VAV3: variants seen among roughly 807,000 people sequenced by gnomAD.
VAV3 encodes the protein vav guanine nucleotide exchange factor 3, also known as guanine nucleotide exchange factor VAV3.
VAV3 carries 94 observed loss-of-function variants against 131.2 expected under a neutral mutation model. That is an observed-to-expected ratio of 0.72 (90% confidence interval 0.61 to 0.85). VAV3 has a LOEUF of 0.85. VAV3 is among the 40% of genes least tolerant of loss of function. The probability of loss-of-function intolerance (pLI) is 0.00; values close to 1 mark genes in which losing one functional copy is unlikely to be tolerated. For synonymous variants in VAV3, 349 were observed against 342.0 expected (o/e 1.02, Z -0.22); for missense variants, 939 against 1,002.7 (o/e 0.94, Z 0.86).
intron 2 of VAV3, among the ~76,000 whole-genome samples, chr1:107,843,169 G>A (rs11185183): frequency 0.32 from 47,976 of 151,498 alleles, 7,823 homozygotes; most frequent in African/African-American, 0.37. Flanking sequence ...CTCCTGGGTG[G>A]GCATTATAAC....
chr1:107,830,944 C>T (rs1328600756), intron 2 of VAV3, among the ~76,000 whole-genome samples: 1 of 152,210 alleles, frequency 6.6e-6, no homozygotes, highest in Non-Finnish European at 1.5e-5. Flanking sequence ...TATTCCAAAA[C>T]TTGTGATAGT....
intron 2 of VAV3, among the ~76,000 whole-genome samples, chr1:107,848,254 A>C (rs1669060005): frequency 1.3e-5 from 2 of 150,388 alleles, no homozygotes; most frequent in South Asian, 4.2e-4. Context: ...CGGAGCTTGC[A>C]GTGAGCCAAG....
intron 1 of VAV3, among the ~76,000 whole-genome samples, chr1:107,911,889 C>A (rs1672387349): frequency 6.6e-6 from 1 of 152,050 alleles, no homozygotes; most frequent in African/African-American, 2.4e-5. Context: ...TATCTAGAGG[C>A]AAACACAATA....
intron 2 of VAV3, among the ~76,000 whole-genome samples, chr1:107,805,339 G>T (rs1419259221): frequency 3.3e-5 from 5 of 152,004 alleles, no homozygotes; most frequent in African/African-American, 1.2e-4. Context: ...TACGTGACCT[G>T]TCATTCCTTT....
chr1:107,727,121 C>T (rs764090431), intron 15 of VAV3, among the ~76,000 whole-genome samples: 1 of 152,206 alleles, frequency 6.6e-6, no homozygotes, highest in Non-Finnish European at 1.5e-5. Context: ...CTTCTTTTGC[C>T]ATGCAAAACA....
At chr1:107,705,113 C>T (rs372087945) in intron 15 of VAV3, 52 bp from the exon 16 acceptor site, 6 of 1,390,640 alleles carry the variant, frequency 4.3e-6, no homozygotes, top group Non-Finnish European at 6.0e-6. Flanking sequence ...AACAAAGCTG[C>T]AATTTAGTCA....
chr1:107,931,027 G>A (rs1334855632), intron 1 of VAV3, among the ~76,000 whole-genome samples: 21 of 152,112 alleles, frequency 1.4e-4, no homozygotes, highest in Admixed American at 1.3e-3. Context: ...TCCTGATCTC[G>A]TTACTACCTA....
At chr1:107,837,153 T>C (rs927276017) in intron 2 of VAV3, among the ~76,000 whole-genome samples, 1 of 151,792 alleles carries the variant, frequency 6.6e-6, no homozygotes, top group Non-Finnish European at 1.5e-5. Context: ...CTGATGAATA[T>C]AGATGCAGAA....
chr1:107,589,002 C>CT (rs554418371), intron 25 of VAV3, among the ~76,000 whole-genome samples: 23 of 151,402 alleles, frequency 1.5e-4, no homozygotes, highest in African/African-American at 3.4e-4. Context: ...ATTGAAAACA[C>CT]TTTTTTTTTG....
chr1:107,757,183 G>T lies in VAV3; in HGVS notation c.1086+78C>A, dbSNP rs554067274. 1.0e-5 allele frequency: 9 copies of T among 876,360 alleles called. No homozygotes were observed. In the South Asian group the frequency reaches 1.2e-4, roughly 12 times the overall value. The allele number at this position is 876,360 out of a possible 1,614,324, so 54.3% of individuals were successfully genotyped here. On this transcript the variant is annotated intron_variant, in intron 11 of 26. Transcript: ENST00000370056. ...TGTGTGTGTGTGTGTGTGTGTGTGT[G>T]TGTGTATGCAATTTGAATTCCATTG...
chr1:107,657,035 C>T lies in VAV3; in HGVS notation c.1778-14280G>A, dbSNP rs185616257. Among the ~76,000 whole-genome samples, 194 of 146,942 alleles carry T rather than the reference C, an allele frequency of 1.3e-3. No homozygotes were observed. The East Asian group carries it at 0.034, about 26-fold the overall frequency. ...GTGGCACAATCTCAGCTCACTGCAG[C>T]CTCTGTCTCCCGGGTTCAAAGCAAT... On this transcript the variant is annotated intron_variant, in intron 19 of 26. Transcript: ENST00000370056.
At chr1:107,908,508 A>T (rs559269165) in intron 1 of VAV3, among the ~76,000 whole-genome samples, 1 of 152,190 alleles carries the variant, frequency 6.6e-6, no homozygotes, top group African/African-American at 2.4e-5. Flanking sequence ...ATGTGAGATG[A>T]TAAGTGACCT....
At chr1:107,935,795 T>C (rs1408508748) in intron 1 of VAV3, among the ~76,000 whole-genome samples, 1 of 151,934 alleles carries the variant, frequency 6.6e-6, no homozygotes, top group Non-Finnish European at 1.5e-5. Flanking sequence ...TGCAGAGAAA[T>C]AGGAGTTAAC....
At chr1:107,718,696 G>A (rs1489321531) in intron 15 of VAV3, among the ~76,000 whole-genome samples, 1 of 151,930 alleles carries the variant, frequency 6.6e-6, no homozygotes. Context: ...TCACAGAATT[G>A]GAAAATCTAC....
intron 19 of VAV3, among the ~76,000 whole-genome samples, chr1:107,666,271 G>C (rs144152562): frequency 3.1e-4 from 47 of 152,230 alleles, no homozygotes; most frequent in African/African-American, 1.0e-3. Flanking sequence ...ACTGGCTACT[G>C]GCACTCATGA....
intron 2 of VAV3, among the ~76,000 whole-genome samples, chr1:107,854,742 C>T (rs938455304): frequency 2.0e-5 from 3 of 152,066 alleles, no homozygotes; most frequent in African/African-American, 7.2e-5. Flanking sequence ...TAGTGAATCA[C>T]GAATATGATG....
intron 20 of VAV3, among the ~76,000 whole-genome samples, chr1:107,636,436 G>T (rs1257809149): frequency 2.6e-5 from 4 of 152,140 alleles, no homozygotes; most frequent in Non-Finnish European, 4.4e-5. Context: ...TTATAATGGG[G>T]TTATGCCCTG....
intron 1 of VAV3, among the ~76,000 whole-genome samples, chr1:107,944,486 C>G (rs1674153293): frequency 1.3e-5 from 2 of 152,308 alleles, no homozygotes; most frequent in South Asian, 4.1e-4. Flanking sequence ...CTCTTATAAC[C>G]TGAATTCTTT....
intron 1 of VAV3, among the ~76,000 whole-genome samples, chr1:107,922,951 CAA>C (rs1320244225): frequency 4.0e-5 from 3 of 75,406 alleles, no homozygotes. Flanking sequence ...GACTCCGTCT[CAA>C]AAAAAAAAAA....
Sources: gnomAD v4.1 joint callset for allele counts (sites outside exome capture counted in the v4.1 genomes callset) on GRCh38, gnomAD v4.1.1 for gene constraint, MANE v1.5 for transcripts, NCBI Gene and HGNC (gene_info 2026-07-23, HGNC 2026-07-21) for gene names.